KIAA1217: variants seen among roughly 807,000 people sequenced by gnomAD.
KIAA1217 encodes sickle tail protein homolog.
A neutral mutation model predicts 163.9 loss-of-function variants in KIAA1217; 88 were observed. That is an observed-to-expected ratio of 0.54 (90% CI 0.45 to 0.64). The LOEUF (loss-of-function observed/expected upper bound fraction) is 0.64, where lower values mean the gene tolerates loss of function less well. KIAA1217 is among the 30% of genes least tolerant of loss of function. The pLI, the probability that KIAA1217 is intolerant of heterozygous loss-of-function variation, is 0.00. For missense variants in KIAA1217, 2,372 were observed against 2,475.0 expected (o/e 0.96, Z 0.88); for synonymous variants, 903 against 923.1 (o/e 0.98, Z 0.39).
chr10:23,974,926 A>C (rs954242123), intron 1 of KIAA1217, among the ~76,000 whole-genome samples: 1 of 151,916 alleles, frequency 6.6e-6, no homozygotes, highest in African/African-American at 2.4e-5. Flanking sequence ...CCATAATGCA[A>C]ATGTGGAATA....
At chr10:23,730,174 T>G (rs974795370) in intron 1 of KIAA1217, among the ~76,000 whole-genome samples, 2 of 152,212 alleles carry the variant, frequency 1.3e-5, no homozygotes, top group African/African-American at 2.4e-5. Context: ...GTGCTGGGAT[T>G]ACAGGCGTGA....
Position 23,860,160 on chromosome 10 carries a change from C to G in KIAA1217, c.-320-147065C>G, listed in dbSNP as rs76415969. Reference sequence around the variant, plus strand: ...ACAGGATTGGGCCTCATGAGCAGCTCTGGGCAGGGCTCTCCTTGCCTTCTT... The same window carrying G: ...ACAGGATTGGGCCTCATGAGCAGCTGTGGGCAGGGCTCTCCTTGCCTTCTT... On this transcript the variant is annotated intron_variant, in intron 1 of 18. Coordinates refer to the KIAA1217 transcript ENST00000376462. 6.5e-3 allele frequency among the ~76,000 whole-genome samples: 994 copies of G among 152,216 alleles called. 34 individuals are homozygous for G. Among genetic ancestry groups the G allele is most frequent in the Admixed American group, 0.045 (686 of 15,270 alleles).
At chr10:23,899,730 A>G (rs1307437991) in intron 1 of KIAA1217, among the ~76,000 whole-genome samples, 2 of 152,108 alleles carry the variant, frequency 1.3e-5, no homozygotes, top group Non-Finnish European at 1.5e-5. Context: ...TCAGAGGACC[A>G]CAGTCTAATG....
In KIAA1217 at chr10:23,977,064, A is replaced by C. The variant is rs117636580; in HGVS notation, c.-320-30161A>C. Among the ~76,000 whole-genome samples the C allele has an allele frequency of 1.5e-3, 230 of 152,212 alleles. 2 individuals are homozygous for C. In the East Asian group the frequency reaches 0.036, roughly 24 times the overall value. On this transcript the variant is annotated intron_variant, in intron 1 of 18. Coordinates refer to the KIAA1217 transcript ENST00000376462. Reference sequence around the variant, plus strand: ...CTGCTGACGGAGATCTTTTTTATGTATGTTTTACATTTAAATGGAATGATG... The same window carrying C: ...CTGCTGACGGAGATCTTTTTTATGTCTGTTTTACATTTAAATGGAATGATG...
intron 4 of KIAA1217, among the ~76,000 whole-genome samples, chr10:24,437,905 G>GAAAAA (rs1268829451): frequency 2.3e-5 from 1 of 43,392 alleles, no homozygotes; most frequent in African/African-American, 8.9e-5. Flanking sequence ...GTGTTTGAAG[G>GAAAAA]CAAAAAAAAA....
chr10:24,118,639 C>T (rs1420102623), intron 2 of KIAA1217, among the ~76,000 whole-genome samples: 3 of 151,934 alleles, frequency 2.0e-5, no homozygotes, highest in Non-Finnish European at 4.4e-5. Flanking sequence ...GAGACAGTTA[C>T]ACTCTGAATT....
chr10:24,276,671 G>A (rs1381869766), intron 2 of KIAA1217, among the ~76,000 whole-genome samples: 1 of 150,746 alleles, frequency 6.6e-6, no homozygotes, highest in Non-Finnish European at 1.5e-5. Flanking sequence ...GTGCAGTGGC[G>A]CGATCTCGGC....
chr10:24,156,287 G>A (rs1485748418), intron 2 of KIAA1217, among the ~76,000 whole-genome samples: 1 of 152,016 alleles, frequency 6.6e-6, no homozygotes, highest in East Asian at 1.9e-4. Flanking sequence ...ACATTTTTGT[G>A]TGTATCAATA....
intron 2 of KIAA1217, among the ~76,000 whole-genome samples, chr10:24,036,774 C>T (rs761102698): frequency 1.2e-4 from 18 of 152,232 alleles, no homozygotes; most frequent in African/African-American, 2.9e-4. Context: ...CCACGAGGAC[C>T]GCAACAAGCC....
chr10:24,086,804 TC>T (rs2061712730), intron 2 of KIAA1217, among the ~76,000 whole-genome samples: 1 of 152,206 alleles, frequency 6.6e-6, no homozygotes, highest in Non-Finnish European at 1.5e-5. Flanking sequence ...CACAGTCTGA[TC>T]TTTGCTCCTG....
chr10:23,993,247 G>C lies in KIAA1217; in HGVS notation c.-320-13978G>C, dbSNP rs555496680. ...GGGTTTCACCATGTTGGCCAGGATGGTCTTGAACTCCTGACCTCAAGTGAT... is the reference window on the plus strand; with the variant it reads ...GGGTTTCACCATGTTGGCCAGGATGCTCTTGAACTCCTGACCTCAAGTGAT... On this transcript the variant is annotated intron_variant, in intron 1 of 18. Coordinates refer to the KIAA1217 transcript ENST00000376462. Among the ~76,000 whole-genome samples the C allele has an allele frequency of 7.9e-5, 12 of 151,944 alleles. 1 individual carries two copies. The highest frequency in any genetic ancestry group is 7.9e-4 in the Admixed American group (12 of 15,268).
intron 2 of KIAA1217, among the ~76,000 whole-genome samples, chr10:24,018,016 C>T (rs1847565260): frequency 6.6e-6 from 1 of 152,056 alleles, no homozygotes; most frequent in African/African-American, 2.4e-5. Context: ...TTGTAGCCCC[C>T]CAAAAAGTAA....
intron 1 of KIAA1217, among the ~76,000 whole-genome samples, chr10:23,740,327 T>C (rs1271630886): frequency 2.0e-5 from 3 of 152,174 alleles, no homozygotes; most frequent in Non-Finnish European, 4.4e-5. Flanking sequence ...GTTTTAGGGC[T>C]CCTGTGGTGT....
At chr10:23,736,485 C>CT (rs1216257145) in intron 1 of KIAA1217, among the ~76,000 whole-genome samples, 3 of 152,112 alleles carry the variant, frequency 2.0e-5, no homozygotes, top group African/African-American at 7.2e-5. Flanking sequence ...CAGTGTGACA[C>CT]TATGGTAATT....
chr10:23,907,292 T>TGTGTGTG (rs1554822036), intron 1 of KIAA1217, among the ~76,000 whole-genome samples: 2 of 145,762 alleles, frequency 1.4e-5, no homozygotes, highest in Admixed American at 6.9e-5. Flanking sequence ...CCAATATGAT[T>TGTGTGTG]TGTGTGTGTG....
rs149690985 is a variant in KIAA1217 at position 24,020,981 on chromosome 10, A to G, written c.-171+13607A>G. 3.6e-3 allele frequency among the ~76,000 whole-genome samples: 546 copies of G among 152,168 alleles called. 4 individuals carry two copies. The highest frequency in any genetic ancestry group is 0.011 in the African/African-American group (475 of 41,544). On this transcript the variant is annotated intron_variant, in intron 2 of 18. Transcript: ENST00000376462. ...AAGTCTACCTGCAACCTATACTCAGAAAAAATAGTCGTCAATGAAGCTAAT... is the reference window on the plus strand; with the variant it reads ...AAGTCTACCTGCAACCTATACTCAGGAAAAATAGTCGTCAATGAAGCTAAT...
rs7920950 is a variant in KIAA1217, at chr10:24,366,192, T to C, written c.355-14677T>C. On this transcript the variant is annotated intron_variant, in intron 2 of 20. Coordinates refer to ENST00000376454, the MANE Select transcript of KIAA1217 (RefSeq NM_019590.5). ...GGATGCAGTGGCTCACAAATGTAAT[T>C]CCAGCACTTTGGGAGGCCGAAGCAG... Among the ~76,000 whole-genome samples the C allele has an allele frequency of 3.0e-3, 459 of 152,222 alleles. 2 individuals carry two copies. The highest frequency in any genetic ancestry group is 0.011 in the African/African-American group (438 of 41,536).
intron 2 of KIAA1217, among the ~76,000 whole-genome samples, chr10:24,241,549 T>C (rs561523547): frequency 6.6e-6 from 1 of 152,114 alleles, no homozygotes; most frequent in Non-Finnish European, 1.5e-5. Context: ...CGGATTTTAA[T>C]GTTACAGGTA....
intron 2 of KIAA1217, among the ~76,000 whole-genome samples, chr10:24,288,800 A>T (rs2078812500): frequency 6.6e-6 from 1 of 152,190 alleles, no homozygotes; most frequent in South Asian, 2.1e-4. Context: ...GACATGAGAC[A>T]GCTGGGGCTG....
Sources: allele counts gnomAD v4.1 joint callset (sites outside exome capture counted in the v4.1 genomes callset), GRCh38; gene constraint gnomAD v4.1.1; transcripts MANE v1.5; gene names NCBI Gene and HGNC (gene_info 2026-07-23, HGNC 2026-07-21).